The following GPM6A variants were observed in gnomAD, a reference collection of about 807,000 sequenced individuals.
The protein encoded by GPM6A is glycoprotein M6A.
In GPM6A, 7 loss-of-function variants were observed where a neutral mutation model predicts 32.1. The ratio of observed to expected loss-of-function variants is 0.22; its 90% CI spans 0.12 to 0.41. The LOEUF (loss-of-function observed/expected upper bound fraction) is 0.41. Among genes scored for constraint, GPM6A ranks in the 10% least tolerant of loss-of-function variants. The probability of loss-of-function intolerance (pLI) is 1.00; values close to 1 mark genes in which losing one functional copy is unlikely to be tolerated. For synonymous variants in GPM6A, 130 were observed against 123.4 expected (o/e 1.05, Z -0.35); for missense variants, 235 against 347.2 (o/e 0.68, Z 2.57).
At chr4:175,738,053 T>C (rs950931958) in intron 1 of GPM6A, among the ~76,000 whole-genome samples, 1 of 151,732 alleles carries the variant, frequency 6.6e-6, no homozygotes, top group Non-Finnish European at 1.5e-5. Flanking sequence ...TTCTCCTGCC[T>C]CAGCCTCCCG....
Position 175,651,821 on chromosome 4 carries a change from A to C in GPM6A, c.541+13T>G. The C allele has an allele frequency of 6.2e-7, 1 of 1,607,100 alleles. No homozygotes were observed. The highest frequency in any genetic ancestry group is 8.5e-7 in the Non-Finnish European group (1 of 1,174,944). ...ATGGTGTTTTACAGTTTAGAGATCCAATATCCACTTACCAAACTGACGAAG... is the reference window on the plus strand; with the variant it reads ...ATGGTGTTTTACAGTTTAGAGATCCCATATCCACTTACCAAACTGACGAAG... On this transcript the variant is annotated intron_variant, in intron 4 of 6. Transcript: ENST00000393658.
At chr4:175,981,205 C>T (rs970302119) in intron 1 of GPM6A, among the ~76,000 whole-genome samples, 3 of 152,000 alleles carry the variant, frequency 2.0e-5, no homozygotes, top group Admixed American at 2.0e-4. Flanking sequence ...AATGACCTAC[C>T]ACTCAAAATC....
chr4:175,728,256 C>T (rs1385231086), intron 1 of GPM6A, among the ~76,000 whole-genome samples: 1 of 151,904 alleles, frequency 6.6e-6, no homozygotes, highest in South Asian at 2.1e-4. Context: ...CAAAGAGAAA[C>T]AATGAAGTCT....
At chr4:175,954,656 C>A (rs1739926188) in intron 1 of GPM6A, among the ~76,000 whole-genome samples, 2 of 152,180 alleles carry the variant, frequency 1.3e-5, no homozygotes, top group Non-Finnish European at 2.9e-5. Flanking sequence ...CAATGGAAGT[C>A]ATCATTTCTG....
intron 1 of GPM6A, among the ~76,000 whole-genome samples, chr4:175,827,059 C>T (rs1735461614): frequency 6.6e-6 from 1 of 151,898 alleles, no homozygotes; most frequent in Non-Finnish European, 1.5e-5. Context: ...TCCAAGATGC[C>T]CATGAAGTAA....
chr4:175,824,027 C>T (rs1477730322), intron 1 of GPM6A, among the ~76,000 whole-genome samples: 5 of 152,136 alleles, frequency 3.3e-5, no homozygotes, highest in Non-Finnish European at 7.3e-5. Flanking sequence ...GAGAGTTTGT[C>T]AGTTCTGAGC....
chr4:175,895,617 C>T (rs1357708822), intron 1 of GPM6A, among the ~76,000 whole-genome samples: 1 of 151,864 alleles, frequency 6.6e-6, no homozygotes, highest in Non-Finnish European at 1.5e-5. Flanking sequence ...GTTAAAATTC[C>T]AAATCAACCT....
chr4:175,666,778 T>C (rs11940383), intron 3 of GPM6A, among the ~76,000 whole-genome samples: 27,585 of 152,158 alleles, frequency 0.18, 3,098 homozygotes, highest in Non-Finnish European at 0.25. Context: ...ATCACATTGA[T>C]GACAACAGTT....
chr4:175,932,066 G>A (rs1332969067), intron 1 of GPM6A, among the ~76,000 whole-genome samples: 1 of 147,082 alleles, frequency 6.8e-6, no homozygotes, highest in African/African-American at 2.5e-5. Flanking sequence ...CTGCACTCCA[G>A]CCTGCGAGCC....
chr4:175,891,702 A>T (rs1203590164), intron 1 of GPM6A: 1 of 152,236 alleles, frequency 6.6e-6, no homozygotes, highest in Non-Finnish European at 1.5e-5. Context: ...TGTAAGAGAG[A>T]AAAGAAGGTG....
At chr4:175,812,608 A>G, upstream of GPM6A, 1 of 1,000,856 alleles carries the variant, frequency 1.0e-6, no homozygotes, top group Non-Finnish European at 1.2e-6. Context: ...CTTGCTTTGC[A>G]TTTAAAATGG....
intron 1 of GPM6A, among the ~76,000 whole-genome samples, chr4:175,730,414 T>C (rs1379117548): frequency 2.0e-5 from 3 of 151,324 alleles, no homozygotes; most frequent in Non-Finnish European, 4.4e-5. Context: ...AGCTAATTTT[T>C]GTATTTTTAG....
chr4:175,650,116 C>T (rs1741695242), intron 4 of GPM6A, among the ~76,000 whole-genome samples: 1 of 152,110 alleles, frequency 6.6e-6, no homozygotes, highest in East Asian at 1.9e-4. Flanking sequence ...GTCCATATTC[C>T]CTCTTGCCAA....
chr4:175,790,190 T>G (rs1182412566), intron 1 of GPM6A: 1 of 152,190 alleles, frequency 6.6e-6, no homozygotes, highest in Non-Finnish European at 1.5e-5. Flanking sequence ...ACACAGTTTT[T>G]TATTCCCCAT....
intron 1 of GPM6A, among the ~76,000 whole-genome samples, chr4:175,889,629 C>A (rs1011710821): frequency 2.6e-5 from 4 of 151,932 alleles, no homozygotes; most frequent in Non-Finnish European, 5.9e-5. Flanking sequence ...TTGGCTAACC[C>A]GGTGAAACCC....
In GPM6A at chr4:175,674,863, T is replaced by C. The variant is rs540728887; in HGVS notation, c.231-1027A>G. Reference sequence around the variant, plus strand: ...TTTTATAGTGGCATGGGAAGGTCCTTTTCATTTTCTCACAATTGATTACCC... The same window carrying C: ...TTTTATAGTGGCATGGGAAGGTCCTCTTCATTTTCTCACAATTGATTACCC... On this transcript the variant is annotated intron_variant, in intron 2 of 6. Coordinates refer to ENST00000393658, the MANE Select transcript of GPM6A (RefSeq NM_201591.3). Among the ~76,000 whole-genome samples, 216 of 152,198 alleles carry C rather than the reference T, an allele frequency of 1.4e-3. 1 individual carries two copies. Among genetic ancestry groups the C allele is most frequent in the South Asian group, 5.0e-3 (24 of 4,820 alleles).
chr4:175,693,775 A>G (rs1744424518), intron 2 of GPM6A, among the ~76,000 whole-genome samples: 1 of 152,174 alleles, frequency 6.6e-6, no homozygotes, highest in Non-Finnish European at 1.5e-5. Context: ...TAAAGTTGCT[A>G]TGATATGGTT....
intron 2 of GPM6A, among the ~76,000 whole-genome samples, chr4:175,697,306 C>T (rs1047319690): frequency 1.3e-5 from 2 of 152,138 alleles, no homozygotes; most frequent in Non-Finnish European, 2.9e-5. Flanking sequence ...AGCAAAATAC[C>T]TACCCTACTT....
chr4:175,856,180 A>G (rs1418195895), intron 1 of GPM6A, among the ~76,000 whole-genome samples: 3 of 152,262 alleles, frequency 2.0e-5, no homozygotes, highest in Admixed American at 6.5e-5. Context: ...ATCACTGGGT[A>G]AAAAACTAAG....
Sources: allele counts gnomAD v4.1 joint callset (sites outside exome capture counted in the v4.1 genomes callset), GRCh38; gene constraint gnomAD v4.1.1; transcripts MANE v1.5; gene names NCBI Gene and HGNC (gene_info 2026-07-23, HGNC 2026-07-21).